FABP3: variants seen among roughly 807,000 people sequenced by gnomAD.
FABP3 encodes the protein fatty acid binding protein 3, also known as fatty acid-binding protein, heart.
FABP3 carries 8 observed loss-of-function variants against 13.4 expected under a neutral mutation model. The ratio of observed to expected loss-of-function variants is 0.60; its 90% CI spans 0.35 to 1.07. The LOEUF (loss-of-function observed/expected upper bound fraction) is 1.07, where lower values mean the gene tolerates loss of function less well. Among genes scored for constraint, FABP3 ranks in the 50% least tolerant of loss-of-function variants. The pLI is 0.02. For synonymous variants in FABP3, 64 were observed against 60.0 expected (o/e 1.07, Z -0.31); for missense variants, 135 against 164.7 (o/e 0.82, Z 0.99).
chr1:31,361,720 G>C (rs946870457), downstream of FABP3, among the ~76,000 whole-genome samples: 1 of 152,190 alleles, frequency 6.6e-6, no homozygotes, highest in African/African-American at 2.4e-5. Flanking sequence ...CTTTCAACTT[G>C]TCCAAGCCTT....
chr1:31,370,579 G>T (rs1008421390), intron 1 of FABP3, among the ~76,000 whole-genome samples: 8 of 152,170 alleles, frequency 5.3e-5, no homozygotes, highest in Non-Finnish European at 1.0e-4. Flanking sequence ...CTATTGTGCA[G>T]ATTCAGGAGG....
chr1:31,372,904 TC>T, intron 1 of FABP3, 37 bp downstream of exon 1: 1 of 1,596,034 alleles, frequency 6.3e-7, no homozygotes, highest in Non-Finnish European at 8.6e-7. Flanking sequence ...CACCAGCCAG[TC>T]CCCAAGCCAA....
downstream of FABP3, among the ~76,000 whole-genome samples, chr1:31,361,355 C>T (rs192678480): frequency 1.3e-5 from 2 of 152,238 alleles, no homozygotes; most frequent in Non-Finnish European, 2.9e-5. Context: ...ATACATATAG[C>T]TCCCACTAAG....
rs1191486566 is a variant in FABP3, at chr1:31,367,480, C to G, written c.261G>C (p.Leu87=). Residue 87 remains leucine (L), a synonymous_variant, in exon 3 of 4, where the codon CTG becomes CTC. Transcript: ENST00000373713. ...GCAGGTGAACAAGTTTCCCTCCATC[C>G]AGTGTCACAATGGACTGTGGAAAGA... ...DDRKVKSIVT[L]DGGKLVHLQK... 3 of 1,614,100 alleles carry G rather than the reference C, an allele frequency of 1.9e-6. No individual in the cohort carries two copies. The East Asian group carries it at 6.7e-5, about 36-fold the overall frequency.
At chr1:31,367,587 C>G (rs934524807) in intron 2 of FABP3, 93 bp from the exon 3 acceptor site, 1 of 1,014,822 alleles carries the variant, frequency 9.9e-7, no homozygotes, top group African/African-American at 1.6e-5. Context: ...AGCACACAGC[C>G]TTTGACCCAA....
chr1:31,365,864 A>C lies in FABP3; in HGVS notation c.*22T>G. On this transcript the variant is annotated 3_prime_UTR_variant, in exon 4 of 4. Coordinates refer to ENST00000373713, the MANE Select transcript of FABP3 (RefSeq NM_004102.5). ...AGGGGTAGCCGATTGGCAGAGTAGT[A>C]GTCAGCAACAGTGCAGTCAGGTCAT... The C allele has an allele frequency of 6.2e-7, 1 of 1,612,044 alleles. No individual in the cohort carries two copies. The highest frequency in any genetic ancestry group is 1.3e-5 in the African/African-American group (1 of 74,994).
chr1:31,371,610 G>T (rs1337999951), intron 1 of FABP3, among the ~76,000 whole-genome samples: 3 of 152,162 alleles, frequency 2.0e-5, no homozygotes, highest in Non-Finnish European at 4.4e-5. Context: ...CCCAACTCGG[G>T]GCAGAATAAG....
downstream of FABP3, among the ~76,000 whole-genome samples, chr1:31,361,366 T>C (rs1280486352): frequency 6.6e-6 from 1 of 152,242 alleles, no homozygotes; most frequent in Non-Finnish European, 1.5e-5. Context: ...TCCCACTAAG[T>C]GCCTATAATG....
At chr1:31,359,802 A>G in the FABP3 span, among the ~76,000 whole-genome samples, 1 of 151,860 alleles carries the variant, frequency 6.6e-6, no homozygotes, top group African/African-American at 2.4e-5. Context: ...CCATTTAAAA[A>G]CTGTTTTATG....
chr1:31,364,872 G>A (rs922275160), downstream of FABP3: 1 of 152,248 alleles, frequency 6.6e-6, no homozygotes, highest in African/African-American at 2.4e-5. Context: ...GTGTGAATCA[G>A]TTGATTCTAC....
At chr1:31,363,272 C>T (rs1639993840), downstream of FABP3, among the ~76,000 whole-genome samples, 1 of 151,864 alleles carries the variant, frequency 6.6e-6, no homozygotes, top group Non-Finnish European at 1.5e-5. Flanking sequence ...CAAGCTCCGC[C>T]TCCTGGGTTC....
chr1:31,372,462 T>C (rs1640224965), intron 1 of FABP3, among the ~76,000 whole-genome samples: 1 of 152,198 alleles, frequency 6.6e-6, no homozygotes, highest in African/African-American at 2.4e-5. Flanking sequence ...CCTTCTCATA[T>C]CTGATTCACT....
At chr1:31,368,634 A>T (rs994506527) in intron 2 of FABP3, among the ~76,000 whole-genome samples, 2 of 152,218 alleles carry the variant, frequency 1.3e-5, no homozygotes, top group African/African-American at 4.8e-5. Context: ...GGGACACCCT[A>T]TAGAGGTCAA....
chr1:31,362,919 A>T (rs891142932), downstream of FABP3, among the ~76,000 whole-genome samples: 6 of 152,240 alleles, frequency 3.9e-5, no homozygotes, highest in African/African-American at 7.2e-5. Context: ...CCTTTCCCCC[A>T]TTCAGTTCAT....
rs1246357239 is a variant in FABP3 at position 31,370,974 on chromosome 1, T to A, written c.74-1417A>T. Among the ~76,000 whole-genome samples the A allele has an allele frequency of 2.0e-5, 3 of 152,354 alleles. No homozygotes were observed. The South Asian group carries it at 6.2e-4, about 32-fold the overall frequency. ...AGCGTAGATTATCCCCAGTTTACAA[T>A]GAAGAGTGCGAAGTGTCTTGTCGAA... is the stretch of plus-strand genomic sequence containing the variant. On this transcript the variant is annotated intron_variant, in intron 1 of 3. Transcript: ENST00000373713.
chr1:31,372,994 G>T lies in FABP3; in HGVS notation c.21C>A (p.Gly7=). The T allele has an allele frequency of 1.9e-6, 3 of 1,614,030 alleles. No individual in the cohort carries two copies. Among genetic ancestry groups the T allele is most frequent in the Middle Eastern group, 3.3e-4 (2 of 6,062 alleles). The change falls in exon 1 of 4, where the codon GGC becomes GGA. Residue 7 remains glycine (G), a synonymous_variant. Transcript: ENST00000373713. MVDAFL[G]TWKLVDSKNF... is the part of the protein sequence containing the mutation. ...TCTTGCTGTCCACTAGCTTCCAGGT[G>T]CCCAGGAAAGCGTCCACCATAGTGA...
Position 31,369,483 on chromosome 1 carries a change from G to C in FABP3, c.148C>G (p.Leu50Val). 6.2e-7 allele frequency: 1 copy of C among 1,614,168 alleles called. No individual in the cohort carries two copies. ...AAGGTGCTGTGTGTTTTTAGGGTGA[G>C]AATGTCCCCATTCTTTTCGATGATT... ...TTIIEKNGDI[L>V]TLKTHSTFKN... Residue 50 changes from leucine to valine, a missense_variant, in exon 2 of 4, where the codon CTC becomes GTC. Transcript: ENST00000373713.
Position 31,365,437 on chromosome 1 carries a change from G to A in FABP3, c.*449C>T, listed in dbSNP as rs1640084449. Reference sequence around the variant, plus strand: ...CTGAACTAGGTCATTTGACCATGGAGGGGGGGCAGTGTAAAGGCAACGTGT... The same window carrying A: ...CTGAACTAGGTCATTTGACCATGGAAGGGGGGCAGTGTAAAGGCAACGTGT... On this transcript the variant is annotated 3_prime_UTR_variant, in exon 4 of 4. Coordinates refer to ENST00000373713, the MANE Select transcript of FABP3 (RefSeq NM_004102.5). 1.3e-5 allele frequency among the ~76,000 whole-genome samples: 2 copies of A among 152,122 alleles called. 1 individual carries two copies. The highest frequency in any genetic ancestry group is 4.8e-5 in the African/African-American group (2 of 41,420).
At chr1:31,371,171 C>G (rs531966121) in intron 1 of FABP3, among the ~76,000 whole-genome samples, 5 of 152,338 alleles carry the variant, frequency 3.3e-5, no homozygotes, top group Admixed American at 6.5e-5. Flanking sequence ...AGGTCTACAG[C>G]AGGAGGGGCA....
Sources: allele counts gnomAD v4.1 joint callset (sites outside exome capture counted in the v4.1 genomes callset), GRCh38; gene constraint gnomAD v4.1.1; transcripts MANE v1.5; gene names NCBI Gene and HGNC (gene_info 2026-07-23, HGNC 2026-07-21).